The following TNRC6A variants were observed in gnomAD, a reference collection of about 807,000 sequenced individuals.
The protein encoded by TNRC6A is trinucleotide repeat containing adaptor 6A, also known as trinucleotide repeat-containing gene 6A protein.
Under a neutral mutation model 221.2 loss-of-function variants are expected in TNRC6A, and 44 were observed. The ratio of observed to expected loss-of-function variants is 0.20; its 90% CI spans 0.16 to 0.26. The LOEUF is 0.26. TNRC6A is among the 10% of genes least tolerant of loss of function. The pLI is 1.00. For missense variants in TNRC6A, 2,199 were observed against 2,404.4 expected, an observed-to-expected ratio of 0.91 and a Z score of 1.79; for synonymous variants, 847 against 838.5, an observed-to-expected ratio of 1.01 and a Z score of -0.18.
At chr16:24,687,176 G>C (rs2055643613) in intron 2 of TNRC6A, among the ~76,000 whole-genome samples, 1 of 152,096 alleles carries the variant, frequency 6.6e-6, no homozygotes, top group Admixed American at 6.6e-5. Context: ...GGGAATTAGG[G>C]GATGGGCCCT....
intron 1 of TNRC6A, among the ~76,000 whole-genome samples, chr16:24,612,943 A>G (rs917443082): frequency 6.6e-6 from 1 of 151,872 alleles, no homozygotes; most frequent in African/African-American, 2.4e-5. Context: ...GTAATAAGAT[A>G]TGATAAGAAT....
chr16:24,796,102 T>A, intron 9 of TNRC6A, 163 bp downstream of exon 9: 2 of 673,402 alleles, frequency 3.0e-6, no homozygotes, highest in Non-Finnish European at 5.1e-6. Context: ...GAGCTCACAG[T>A]CTAGTATGGG....
intron 2 of TNRC6A, among the ~76,000 whole-genome samples, chr16:24,666,389 C>A (rs370995914): frequency 2.7e-5 from 4 of 149,604 alleles, no homozygotes; most frequent in South Asian, 4.2e-4. Flanking sequence ...AGGAGAATGG[C>A]ATGAACCCGG....
chr16:24,661,242 C>G (rs1246926934), intron 2 of TNRC6A, among the ~76,000 whole-genome samples: 1 of 152,016 alleles, frequency 6.6e-6, no homozygotes, highest in African/African-American at 2.4e-5. Flanking sequence ...CCCACCCTTC[C>G]CCTTCTGAGT....
chr16:24,763,865 TATA>T lies in TNRC6A; in HGVS notation c.163+5506_163+5508del, dbSNP rs2057415453. The stretch of plus-strand genomic sequence containing the variant: ...TTTCTCCATAAGATCTTGTTTATTA[TATA>T]TATTTAAGGTGTACAACATAATGTT... On this transcript the variant is annotated intron_variant, in intron 4 of 24. Transcript: ENST00000395799. Among the ~76,000 whole-genome samples, 4 of 152,324 alleles carry T rather than the reference TATA, an allele frequency of 2.6e-5. No homozygotes were observed. The South Asian group carries it at 8.3e-4, about 32-fold the overall frequency.
intron 1 of TNRC6A, among the ~76,000 whole-genome samples, chr16:24,614,865 T>A (rs1037210429): frequency 6.6e-6 from 1 of 152,048 alleles, no homozygotes; most frequent in African/African-American, 2.4e-5. Flanking sequence ...AGGTCAGGAG[T>A]TCGCGACCAG....
At chr16:24,770,033 G>A (rs1033005986) in intron 4 of TNRC6A, among the ~76,000 whole-genome samples, 2 of 152,202 alleles carry the variant, frequency 1.3e-5, no homozygotes, top group Non-Finnish European at 1.5e-5. Context: ...CAGAATAGAG[G>A]AGGGCAATCT....
chr16:24,766,537 G>A (rs560924114), intron 4 of TNRC6A, among the ~76,000 whole-genome samples: 36 of 152,280 alleles, frequency 2.4e-4, no homozygotes, highest in Admixed American at 1.3e-3. Context: ...TCACAGTGCA[G>A]TGCAAGGAAT....
intron 1 of TNRC6A, among the ~76,000 whole-genome samples, chr16:24,626,867 A>T (rs975664911): frequency 1.2e-4 from 18 of 151,268 alleles, no homozygotes; most frequent in South Asian, 2.1e-4. Context: ...TTAGCCAGGA[A>T]GGTCTCGATC....
At chr16:24,657,914 C>T (rs555887665) in intron 2 of TNRC6A, among the ~76,000 whole-genome samples, 1 of 151,948 alleles carries the variant, frequency 6.6e-6, no homozygotes, top group African/African-American at 2.4e-5. Flanking sequence ...TTCCTACATT[C>T]CTAAAATATG....
intron 2 of TNRC6A, among the ~76,000 whole-genome samples, chr16:24,704,099 AAAAT>A (rs1490011030): frequency 5.5e-5 from 6 of 109,362 alleles, no homozygotes; most frequent in South Asian, 5.8e-4. Flanking sequence ...AAAAAAAAAA[AAAAT>A]TTTTTTTTGG....
intron 2 of TNRC6A, among the ~76,000 whole-genome samples, chr16:24,713,329 A>C (rs1294466040): frequency 6.6e-6 from 1 of 151,988 alleles, no homozygotes; most frequent in Non-Finnish European, 1.5e-5. Flanking sequence ...GAAGCACAAG[A>C]ATTGCCTGAA....
At chr16:24,729,911 C>A in intron 1 of TNRC6A, 65 bp downstream of exon 1, 15 of 1,161,840 alleles carry the variant, frequency 1.3e-5, no homozygotes, top group Non-Finnish European at 1.5e-5. Context: ...GGGCCCGCAA[C>A]CCGCGGCGGC....
At chr16:24,630,003 G>A (rs1385830293) in intron 1 of TNRC6A, among the ~76,000 whole-genome samples, 1 of 151,570 alleles carries the variant, frequency 6.6e-6, no homozygotes, top group Non-Finnish European at 1.5e-5. Flanking sequence ...CATAATATTT[G>A]CCATCTTAAC....
chr16:24,802,271 G>C (rs1014254835), intron 11 of TNRC6A, among the ~76,000 whole-genome samples: 1 of 152,134 alleles, frequency 6.6e-6, no homozygotes, highest in African/African-American at 2.4e-5. Flanking sequence ...CAATGAGGCC[G>C]GGCACAGTGG....
At chr16:24,751,147 T>G (rs1251605874) in intron 3 of TNRC6A, among the ~76,000 whole-genome samples, 1 of 152,206 alleles carries the variant, frequency 6.6e-6, no homozygotes, top group Non-Finnish European at 1.5e-5. Flanking sequence ...ATTTGAAATC[T>G]CACTCTCCCA....
rs957514036 is a variant in TNRC6A at position 24,790,393 on chromosome 16, C to T, written c.1751C>T (p.Thr584Ile). Residue 584 changes from threonine (T) to isoleucine (I), a missense_variant, in exon 6 of 25, where the codon ACA becomes ATA. By Grantham distance (89) the Thr-to-Ile change is moderately conservative. This residue lies in a region of TNRC6A where 1,405 missense variants were observed against 1,400.2 expected (regional missense o/e 1.00). Transcript: ENST00000395799. ...TCTGGTGCAGCAAACTCCCAGAGTA[C>T]ATCATGGGGAAGTGGAAATGGCGCA... ...WESGAANSQS[T>I]SWGSGNGANS... 14 of 1,614,082 alleles carry T rather than the reference C, an allele frequency of 8.7e-6. No individual in the cohort carries two copies. The African/African-American group carries it at 1.2e-4, about 14-fold the overall frequency.
intron 6 of TNRC6A, among the ~76,000 whole-genome samples, chr16:24,792,523 T>C (rs2058125663): frequency 6.6e-6 from 1 of 151,796 alleles, no homozygotes; most frequent in South Asian, 2.1e-4. Flanking sequence ...TAGTTTGTTG[T>C]ATTAATTTAG....
chr16:24,820,888 C>T (rs1216597178), intron 22 of TNRC6A, among the ~76,000 whole-genome samples: 1 of 152,190 alleles, frequency 6.6e-6, no homozygotes, highest in Non-Finnish European at 1.5e-5. Context: ...CCTGTGCTGT[C>T]TCCACACCAT....
Sources: allele counts gnomAD v4.1 joint callset (sites outside exome capture counted in the v4.1 genomes callset), GRCh38; gene constraint gnomAD v4.1.1; regional missense constraint gnomAD v4.1.1; transcripts MANE v1.5; gene names NCBI Gene and HGNC (gene_info 2026-07-23, HGNC 2026-07-21).